The following ARL8B variants were observed in gnomAD, a reference collection of about 807,000 sequenced individuals.
ARL8B encodes the protein ARF like GTPase 8B, also known as ADP-ribosylation factor-like protein 8B.
In ARL8B, 9 loss-of-function variants were observed where a neutral mutation model predicts 30.6. That is an observed-to-expected ratio of 0.29 (90% CI 0.18 to 0.51). The LOEUF (loss-of-function observed/expected upper bound fraction) is 0.51. Among genes scored for constraint, ARL8B ranks in the 20% least tolerant of loss-of-function variants. The pLI is 0.97. For missense variants in ARL8B, 130 were observed against 227.2 expected (o/e 0.57, Z 2.75); for synonymous variants, 74 against 76.0 (o/e 0.97, Z 0.14).
At chr3:5,125,195 T>A (rs192708553) in intron 1 of ARL8B, among the ~76,000 whole-genome samples, 21 of 152,274 alleles carry the variant, frequency 1.4e-4, no homozygotes, top group African/African-American at 4.8e-4. Flanking sequence ...GCTCTAGGGA[T>A]TAAATGACAT....
At position 5,179,768 on chromosome 3, in the gene ARL8B, G is replaced by C. The variant is rs2054762582; in HGVS notation, c.*1055G>C. 1 of 152,376 alleles carries C rather than the reference G, an allele frequency of 6.6e-6. No individual in the cohort carries two copies. The highest frequency in any genetic ancestry group is 6.6e-5 in the Admixed American group (1 of 15,262). 9.4% of individuals were successfully genotyped at this position (152,376 alleles called of 1,614,324 possible). ...GTAAGCTTTGGCACTCTTTTGACTG[G>C]TGCCATTAGACATCTTGATTATTGT... On this transcript the variant is annotated 3_prime_UTR_variant, in exon 7 of 7. Coordinates refer to ENST00000256496, the MANE Select transcript of ARL8B (RefSeq NM_018184.3).
intron 1 of ARL8B, chr3:5,157,106 C>CTAA (rs2054540472): frequency 6.6e-6 from 1 of 152,242 alleles, no homozygotes; most frequent in Non-Finnish European, 1.5e-5. Flanking sequence ...AACCCACCTT[C>CTAA]TATGGGCTTT....
intron 1 of ARL8B, among the ~76,000 whole-genome samples, chr3:5,163,804 A>C (rs1006215789): frequency 6.6e-6 from 1 of 152,180 alleles, no homozygotes; most frequent in African/African-American, 2.4e-5. Context: ...CGGGAGGCAG[A>C]GGTTGCAGTG....
chr3:5,139,240 G>A (rs772847779), intron 1 of ARL8B, among the ~76,000 whole-genome samples: 26 of 152,206 alleles, frequency 1.7e-4, no homozygotes, highest in Non-Finnish European at 2.9e-4. Context: ...TGGCTTTAAT[G>A]TATCCAATGA....
intron 1 of ARL8B, among the ~76,000 whole-genome samples, chr3:5,165,483 T>C (rs1388838384): frequency 6.6e-6 from 1 of 152,168 alleles, no homozygotes; most frequent in Non-Finnish European, 1.5e-5. Context: ...AATTAAACAA[T>C]TGAGTCCTAG....
chr3:5,174,506 G>A (rs999091869), intron 6 of ARL8B, 92 bp downstream of exon 6: 2 of 863,630 alleles, frequency 2.3e-6, no homozygotes, highest in African/African-American at 3.4e-5. Context: ...TTCTCATTAA[G>A]TGACTTCCTT....
chr3:5,147,773 A>G (rs575816946), intron 1 of ARL8B, among the ~76,000 whole-genome samples: 19 of 152,012 alleles, frequency 1.2e-4, no homozygotes, highest in South Asian at 2.1e-4. Context: ...GGCCAGCTCT[A>G]TGTTACAAAG....
At chr3:5,124,337 C>T (rs2054210879) in intron 1 of ARL8B, among the ~76,000 whole-genome samples, 1 of 147,234 alleles carries the variant, frequency 6.8e-6, no homozygotes, top group African/African-American at 2.5e-5. Context: ...AACTCCTGGG[C>T]TCAAGCGAGC....
At chr3:5,171,769 G>C (rs1368634712) in intron 2 of ARL8B, among the ~76,000 whole-genome samples, 1 of 152,210 alleles carries the variant, frequency 6.6e-6, no homozygotes, top group South Asian at 2.1e-4. Context: ...AATAGATTCT[G>C]AATTGTTGTT....
At chr3:5,145,909 T>C (rs1474647006) in intron 1 of ARL8B, among the ~76,000 whole-genome samples, 1 of 152,216 alleles carries the variant, frequency 6.6e-6, no homozygotes, top group Non-Finnish European at 1.5e-5. Flanking sequence ...CTTCTTTTTC[T>C]ACAGACTGCA....
intron 1 of ARL8B, among the ~76,000 whole-genome samples, chr3:5,137,786 C>T (rs1362546081): frequency 6.6e-6 from 1 of 151,962 alleles, no homozygotes; most frequent in Non-Finnish European, 1.5e-5. Flanking sequence ...GACAGGATCT[C>T]ACTGTGTTGC....
intron 1 of ARL8B, among the ~76,000 whole-genome samples, chr3:5,129,529 C>T (rs2054262947): frequency 6.6e-6 from 1 of 152,114 alleles, no homozygotes; most frequent in South Asian, 2.1e-4. Flanking sequence ...ACTGCCAAGA[C>T]TGATAACTAT....
intron 1 of ARL8B, among the ~76,000 whole-genome samples, chr3:5,169,746 C>G (rs1336889631): frequency 6.6e-6 from 1 of 152,122 alleles, no homozygotes; most frequent in Non-Finnish European, 1.5e-5. Flanking sequence ...TAGATTTTCA[C>G]ATATAATCAC....
At chr3:5,139,374 A>G (rs572509891) in intron 1 of ARL8B, among the ~76,000 whole-genome samples, 4 of 152,310 alleles carry the variant, frequency 2.6e-5, no homozygotes, top group South Asian at 2.1e-4. Flanking sequence ...AGGATTGCCT[A>G]TTTATCTTAT....
intron 1 of ARL8B, among the ~76,000 whole-genome samples, chr3:5,144,602 T>G (rs906263177): frequency 6.6e-6 from 1 of 152,240 alleles, no homozygotes; most frequent in African/African-American, 2.4e-5. Context: ...GTGTGACCCC[T>G]ATCCTAATTC....
intron 4 of ARL8B, among the ~76,000 whole-genome samples, chr3:5,173,657 G>T (rs1239450852): frequency 6.6e-6 from 1 of 152,212 alleles, no homozygotes; most frequent in Non-Finnish European, 1.5e-5. Context: ...GGCAGAGCTT[G>T]CAGTGAGCCC....
chr3:5,174,755 TATAAATATATATTATATATAAC>T (rs1395818574), intron 6 of ARL8B, among the ~76,000 whole-genome samples: 1 of 145,714 alleles, frequency 6.9e-6, no homozygotes, highest in Non-Finnish European at 1.5e-5. Context: ...ATATAATATA[TATAAATATATATTATATATAAC>T]ATAAATATAT....
At chr3:5,127,872 CAAAAAA>C (rs748657502) in intron 1 of ARL8B, among the ~76,000 whole-genome samples, 2 of 10,594 alleles carry the variant, frequency 1.9e-4, no homozygotes, top group Non-Finnish European at 3.2e-4. Context: ...GACTCCGTCT[CAAAAAA>C]AAAAAAAAAA....
intron 1 of ARL8B, among the ~76,000 whole-genome samples, chr3:5,135,130 T>C (rs1254526700): frequency 4.6e-5 from 7 of 152,202 alleles, no homozygotes; most frequent in Non-Finnish European, 1.0e-4. Flanking sequence ...ATTACAGCCA[T>C]GAGCCACTGC....
Sources: gnomAD v4.1 joint callset for allele counts (sites outside exome capture counted in the v4.1 genomes callset) on GRCh38, gnomAD v4.1.1 for gene constraint, MANE v1.5 for transcripts, NCBI Gene and HGNC (gene_info 2026-07-23, HGNC 2026-07-21) for gene names.